The following TULP4 variants were observed in gnomAD, a reference collection of about 807,000 sequenced individuals.
The protein encoded by TULP4 is tubby-related protein 4.
A neutral mutation model predicts 129.0 loss-of-function variants in TULP4; 16 were observed. The ratio of observed to expected loss-of-function variants is 0.12; its 90% CI spans 0.08 to 0.19. The LOEUF (loss-of-function observed/expected upper bound fraction) is 0.19. TULP4 is among the 10% of genes least tolerant of loss of function. TULP4 has a pLI of 1.00. For missense variants in TULP4, 1,842 were observed against 2,059.1 expected (o/e 0.89, Z 2.04); for synonymous variants, 998 against 854.0 (o/e 1.17, Z -2.94).
At chr6:158,276,249 C>T (rs577830227) in intron 1 of TULP4, among the ~76,000 whole-genome samples, 65 of 151,742 alleles carry the variant, frequency 4.3e-4, no homozygotes, top group Non-Finnish European at 6.8e-4. Flanking sequence ...GGATTACAGG[C>T]GTGAGCCACT....
chr6:158,248,143 A>G (rs1778061361), intron 1 of TULP4, among the ~76,000 whole-genome samples: 2 of 152,216 alleles, frequency 1.3e-5, no homozygotes, highest in South Asian at 2.1e-4. Context: ...AGAGAATGCC[A>G]TTAAAATGTG....
intron 1 of TULP4, among the ~76,000 whole-genome samples, chr6:158,283,760 G>T (rs995433530): frequency 7.2e-5 from 11 of 152,264 alleles, no homozygotes; most frequent in African/African-American, 2.4e-4. Context: ...CCAGCCTTCT[G>T]CTTCAGCAGG....
chr6:158,492,679 A>T (rs1180531648), intron 9 of TULP4, among the ~76,000 whole-genome samples: 1 of 152,108 alleles, frequency 6.6e-6, no homozygotes, highest in Non-Finnish European at 1.5e-5. Flanking sequence ...CCCACATCAT[A>T]GCTTTAGGGA....
At chr6:158,415,050 C>T (rs1284485316) in intron 2 of TULP4, among the ~76,000 whole-genome samples, 5 of 152,142 alleles carry the variant, frequency 3.3e-5, no homozygotes, top group South Asian at 2.1e-4. Context: ...GGCAGAGATG[C>T]GTGTATTCAT....
intron 1 of TULP4, chr6:158,242,234 T>TCC: frequency 6.6e-7 from 1 of 1,522,730 alleles, no homozygotes; most frequent in Non-Finnish European, 9.1e-7. Flanking sequence ...TTTTGTAGGA[T>TCC]GTTCATGGCC....
intron 1 of TULP4, among the ~76,000 whole-genome samples, chr6:158,292,488 A>G (rs1778961257): frequency 2.0e-5 from 3 of 152,154 alleles, no homozygotes; most frequent in Admixed American, 1.3e-4. Flanking sequence ...ATTAAAAATT[A>G]CATTTGTTGT....
intron 1 of TULP4, among the ~76,000 whole-genome samples, chr6:158,245,995 A>C (rs543594138): frequency 1.3e-5 from 2 of 149,632 alleles, no homozygotes; most frequent in African/African-American, 2.5e-5. Context: ...CATATGATTG[A>C]CCGTGAGTAA....
At chr6:158,390,043 C>T (rs2114943491) in intron 1 of TULP4, among the ~76,000 whole-genome samples, 1 of 151,300 alleles carries the variant, frequency 6.6e-6, no homozygotes. Context: ...TGCACTCCAG[C>T]CTGGACGACA....
chr6:158,325,164 CA>C (rs1779718240), intron 1 of TULP4, among the ~76,000 whole-genome samples: 1 of 152,112 alleles, frequency 6.6e-6, no homozygotes, highest in South Asian at 2.1e-4. Flanking sequence ...CCATTCAATT[CA>C]GTGCATTTTT....
At chr6:158,337,481 A>G (rs1164872661) in intron 1 of TULP4, among the ~76,000 whole-genome samples, 1 of 152,186 alleles carries the variant, frequency 6.6e-6, no homozygotes, top group Non-Finnish European at 1.5e-5. Context: ...GAAGCAATGG[A>G]TAGTGAATGC....
At chr6:158,263,558 A>T (rs1778388578) in intron 1 of TULP4, among the ~76,000 whole-genome samples, 1 of 152,214 alleles carries the variant, frequency 6.6e-6, no homozygotes, top group Non-Finnish European at 1.5e-5. Context: ...TAAATTTGGT[A>T]GTGGCTTGGG....
At chr6:158,388,697 T>C (rs1583825171) in intron 1 of TULP4, among the ~76,000 whole-genome samples, 2 of 151,158 alleles carry the variant, frequency 1.3e-5, no homozygotes, top group East Asian at 3.9e-4. Flanking sequence ...CCTGCACAGG[T>C]ATAGTTATAT....
At position 158,240,870 on chromosome 6, in the gene TULP4, C is replaced by T. The variant is rs1474708644; in HGVS notation, n.68+8567C>T. On this transcript the variant is annotated intron_variant and non_coding_transcript_variant, in intron 1 of 1. Transcript: ENST00000620026. ...GCTGACCCCCCACCTCCCTCCCGGACGGGGTGGCTGCCGGGCGGAGACGCT... is the reference window on the plus strand; with the variant it reads ...GCTGACCCCCCACCTCCCTCCCGGATGGGGTGGCTGCCGGGCGGAGACGCT... Among the ~76,000 whole-genome samples the T allele has an allele frequency of 7.3e-5, 11 of 150,430 alleles. No individual in the cohort carries two copies. In the East Asian group the frequency reaches 8.2e-4, roughly 11 times the overall value.
chr6:158,256,446 A>T (rs915234663), intron 1 of TULP4, among the ~76,000 whole-genome samples: 2 of 152,190 alleles, frequency 1.3e-5, no homozygotes, highest in African/African-American at 4.8e-5. Flanking sequence ...TTGTTCTCTA[A>T]GTCTTTGATC....
Position 158,313,924 on chromosome 6 carries a change from A to T in TULP4, c.-93A>T. ...AAGGGGGAAAAAAGCAACGCAAGCCAACCACAAAAACACATATACCAATGA... is the reference window on the plus strand; with the variant it reads ...AAGGGGGAAAAAAGCAACGCAAGCCTACCACAAAAACACATATACCAATGA... On this transcript the variant is annotated 5_prime_UTR_variant, in exon 1 of 14. Transcript: ENST00000367097. 1 of 1,471,198 alleles carries T rather than the reference A, an allele frequency of 6.8e-7. No individual in the cohort carries two copies. The highest frequency in any genetic ancestry group is 9.1e-7 in the Non-Finnish European group (1 of 1,099,708). The allele number at this position is 1,471,198 out of a possible 1,614,324, so 91.1% of individuals were successfully genotyped here.
chr6:158,484,214 C>T (rs951615347), intron 8 of TULP4, among the ~76,000 whole-genome samples: 5 of 151,400 alleles, frequency 3.3e-5, no homozygotes, highest in African/African-American at 1.2e-4. Flanking sequence ...TGTGAGCCAC[C>T]ATGCCCAGCT....
chr6:158,331,524 C>A (rs1779878781), intron 1 of TULP4, among the ~76,000 whole-genome samples: 1 of 151,320 alleles, frequency 6.6e-6, no homozygotes, highest in Non-Finnish European at 1.5e-5. Flanking sequence ...TCTAGCTTAA[C>A]AAGATGTTTC....
chr6:158,273,422 TGTTCTGTA>T (rs1336580842), intron 1 of TULP4, among the ~76,000 whole-genome samples: 4 of 152,320 alleles, frequency 2.6e-5, no homozygotes, highest in East Asian at 3.9e-4. Context: ...GGGCTTAGTA[TGTTCTGTA>T]GTTCTGTAGT....
intron 1 of TULP4, among the ~76,000 whole-genome samples, chr6:158,289,864 A>C (rs1358639416): frequency 6.6e-6 from 1 of 152,084 alleles, no homozygotes; most frequent in African/African-American, 2.4e-5. Flanking sequence ...TGCACATGTA[A>C]TCCACCATGC....
Sources: allele counts gnomAD v4.1 joint callset (sites outside exome capture counted in the v4.1 genomes callset), GRCh38; gene constraint gnomAD v4.1.1; transcripts MANE v1.5; gene names NCBI Gene and HGNC (gene_info 2026-07-23, HGNC 2026-07-21).